Variants in LHFPL3 observed in about 807,000 individuals in gnomAD.
LHFPL3 encodes the protein LHFPL tetraspan subfamily member 3 protein.
Under a neutral mutation model 19.3 loss-of-function variants are expected in LHFPL3, and 5 were observed. That is an observed-to-expected ratio of 0.26 (90% CI 0.14 to 0.54). The LOEUF is 0.54. Ranked by LOEUF, LHFPL3 falls within the 20% of genes least tolerant of loss-of-function variation. The pLI is 0.94. For missense variants in LHFPL3, 249 were observed against 307.4 expected, an observed-to-expected ratio of 0.81 and a Z score of 1.42; for synonymous variants, 133 against 126.2, an observed-to-expected ratio of 1.05 and a Z score of -0.36.
At chr7:104,867,094 T>C (rs964177415) in intron 2 of LHFPL3, among the ~76,000 whole-genome samples, 2 of 152,214 alleles carry the variant, frequency 1.3e-5, no homozygotes, top group Non-Finnish European at 2.9e-5. Context: ...GAGGGAAATT[T>C]ATAGCACGAA....
At chr7:104,708,985 C>T (rs1020682487) in intron 1 of LHFPL3, among the ~76,000 whole-genome samples, 1 of 151,984 alleles carries the variant, frequency 6.6e-6, no homozygotes, top group Non-Finnish European at 1.5e-5. Context: ...ATATGTAAAA[C>T]CACTTTAGGT....
intron 2 of LHFPL3, among the ~76,000 whole-genome samples, chr7:104,862,547 C>T (rs1358348915): frequency 6.6e-6 from 1 of 152,176 alleles, no homozygotes; most frequent in Non-Finnish European, 1.5e-5. Context: ...TCAAGCAGCA[C>T]ATCCTCAAGG....
intron 1 of LHFPL3, among the ~76,000 whole-genome samples, chr7:104,697,219 T>C (rs1432379128): frequency 6.6e-6 from 1 of 152,164 alleles, no homozygotes; most frequent in Non-Finnish European, 1.5e-5. Flanking sequence ...GATTCCAATA[T>C]ATGAATTTGC....
At chr7:104,480,957 A>G (rs1172020409) in intron 1 of LHFPL3, among the ~76,000 whole-genome samples, 1 of 152,174 alleles carries the variant, frequency 6.6e-6, no homozygotes, top group East Asian at 1.9e-4. Flanking sequence ...TCCTTTAGGG[A>G]ACCACCTGTG....
chr7:104,365,797 A>AAAAAAAAAG (rs1790481171), intron 1 of LHFPL3, among the ~76,000 whole-genome samples: 6 of 125,982 alleles, frequency 4.8e-5, no homozygotes, highest in Non-Finnish European at 8.1e-5. Context: ...CAAAAAAAAA[A>AAAAAAAAAG]AAAAAAAAGA....
intron 2 of LHFPL3, among the ~76,000 whole-genome samples, chr7:104,798,081 G>A (rs563686895): frequency 6.6e-6 from 1 of 152,304 alleles, no homozygotes; most frequent in African/African-American, 2.4e-5. Flanking sequence ...TATGACCCCA[G>A]TTAGGCATGG....
At chr7:104,897,249 C>G (rs1431765961) in intron 2 of LHFPL3, among the ~76,000 whole-genome samples, 4 of 152,166 alleles carry the variant, frequency 2.6e-5, no homozygotes, top group Admixed American at 2.6e-4. Context: ...TGCACAGCTA[C>G]TAAATGCCTT....
At chr7:104,527,698 A>C (rs529686603) in intron 1 of LHFPL3, among the ~76,000 whole-genome samples, 1 of 152,064 alleles carries the variant, frequency 6.6e-6, no homozygotes, top group East Asian at 1.9e-4. Flanking sequence ...AAGGAGGGGG[A>C]GGAAGCCCAG....
At chr7:104,343,483 A>G (rs1217364472) in intron 1 of LHFPL3, among the ~76,000 whole-genome samples, 1 of 136,464 alleles carries the variant, frequency 7.3e-6, no homozygotes, top group Non-Finnish European at 1.6e-5. Flanking sequence ...ATTGCACTCC[A>G]GCCTGGGCAA....
intron 2 of LHFPL3, among the ~76,000 whole-genome samples, chr7:104,897,085 C>CA (rs77289055): frequency 9.9e-4 from 122 of 123,750 alleles, no homozygotes; most frequent in East Asian, 2.3e-3. Context: ...GACTCCATCT[C>CA]AAAAAAAAAA....
At chr7:104,760,851 G>T (rs1461536136) in intron 2 of LHFPL3, among the ~76,000 whole-genome samples, 1 of 151,846 alleles carries the variant, frequency 6.6e-6, no homozygotes, top group African/African-American at 2.4e-5. Context: ...TGCAAGGTAG[G>T]GGCCTTTCCA....
chr7:104,729,518 T>A (rs1291755512), intron 1 of LHFPL3, among the ~76,000 whole-genome samples: 2 of 152,118 alleles, frequency 1.3e-5, no homozygotes, highest in Non-Finnish European at 2.9e-5. Context: ...TCTCTACTTA[T>A]CCTTCTTCCG....
intron 1 of LHFPL3, among the ~76,000 whole-genome samples, chr7:104,604,536 T>G (rs1436425198): frequency 6.6e-6 from 1 of 152,246 alleles, no homozygotes; most frequent in African/African-American, 2.4e-5. Flanking sequence ...TAAACATACC[T>G]TTTCAATCTT....
intron 1 of LHFPL3, among the ~76,000 whole-genome samples, chr7:104,440,172 TATA>T (rs1269387692): frequency 4.0e-5 from 6 of 150,514 alleles, no homozygotes; most frequent in African/African-American, 9.8e-5. Flanking sequence ...AAACTTAAAG[TATA>T]ATAATAATAA....
At chr7:104,863,480 CT>C (rs1313331093) in intron 2 of LHFPL3, among the ~76,000 whole-genome samples, 1 of 152,222 alleles carries the variant, frequency 6.6e-6, no homozygotes, top group East Asian at 1.9e-4. Context: ...GGGGTCTTAT[CT>C]CTTCACTTGG....
chr7:104,390,074 CA>C (rs1439808716), intron 1 of LHFPL3, among the ~76,000 whole-genome samples: 1 of 150,612 alleles, frequency 6.6e-6, no homozygotes, highest in Non-Finnish European at 1.5e-5. Context: ...AATGAAAAGA[CA>C]ACCCACAGAA....
chr7:104,411,015 T>G (rs1478879354), intron 1 of LHFPL3, among the ~76,000 whole-genome samples: 2 of 152,164 alleles, frequency 1.3e-5, no homozygotes, highest in African/African-American at 4.8e-5. Flanking sequence ...ATCCTATGAT[T>G]TAAGCACCAT....
chr7:104,814,855 A>G (rs1300598169), intron 2 of LHFPL3, among the ~76,000 whole-genome samples: 1 of 152,182 alleles, frequency 6.6e-6, no homozygotes, highest in African/African-American at 2.4e-5. Flanking sequence ...CTGAGATCAG[A>G]GCAGGTGCCG....
At chr7:104,499,410 G>A (rs558929369) in intron 1 of LHFPL3, among the ~76,000 whole-genome samples, 1 of 152,162 alleles carries the variant, frequency 6.6e-6, no homozygotes, top group Non-Finnish European at 1.5e-5. Flanking sequence ...GTTAGCATTT[G>A]CTCTTAAAGG....
Sources: allele counts gnomAD v4.1 joint callset (sites outside exome capture counted in the v4.1 genomes callset), GRCh38; gene constraint gnomAD v4.1.1; transcripts MANE v1.5; gene names NCBI Gene and HGNC (gene_info 2026-07-23, HGNC 2026-07-21).